The following UBE4A variants were observed in gnomAD, a reference collection of about 807,000 sequenced individuals.
UBE4A encodes ubiquitin conjugation factor E4 A.
UBE4A carries 48 observed loss-of-function variants against 117.9 expected under a neutral mutation model. That is an observed-to-expected ratio of 0.41 (90% CI 0.32 to 0.52). UBE4A has a LOEUF of 0.52. Ranked by LOEUF, UBE4A falls within the 20% of genes least tolerant of loss-of-function variation. The pLI is 0.33. For missense variants in UBE4A, 1,067 were observed against 1,296.3 expected, an observed-to-expected ratio of 0.82 and a Z score of 2.72; for synonymous variants, 407 against 450.0, an observed-to-expected ratio of 0.90 and a Z score of 1.21.
rs1381122929 is a variant in UBE4A, at chr11:118,396,541, CTTTT to C, written c.*103_*106del. The C allele has an allele frequency of 3.0e-5, 27 of 911,792 alleles. No homozygotes were observed. In the African/African-American group the frequency reaches 4.7e-4, roughly 16 times the overall value. 56.5% of individuals were successfully genotyped at this position (911,792 alleles called of 1,614,324 possible). A position where few individuals can be genotyped will look rare whatever the true frequency, so the allele number is the denominator to read the frequency against. On this transcript the variant is annotated 3_prime_UTR_variant, in exon 20 of 20. Transcript: ENST00000252108. ...TTCTGTTCCTTTTCTTTCTTCTTTT[CTTTT>C]TCTTTTTTTTTTTTTTTTTTACTAA... is the stretch of plus-strand genomic sequence containing the variant.
chr11:118,397,341 A>G lies in UBE4A; in HGVS notation c.*901A>G, dbSNP rs1213333210. ...TTTAGTGTAAACTGAGTACCACTTT[A>G]TATTTTCTCTTCCATAGTGAGATGT... On this transcript the variant is annotated 3_prime_UTR_variant, in exon 20 of 20. Transcript: ENST00000252108. 6.6e-6 allele frequency: 1 copy of G among 152,186 alleles called. No individual in the cohort carries two copies. The allele number at this position is 152,186 out of a possible 1,614,324, so 9.4% of individuals were successfully genotyped here. A position where few individuals can be genotyped will look rare whatever the true frequency, so the allele number is the denominator to read the frequency against.
rs1418691731 is a variant in UBE4A, at chr11:118,375,211, A to T, written c.1432A>T (p.Lys478Ter). 1 of 1,609,014 alleles carries T rather than the reference A, an allele frequency of 6.2e-7. No homozygotes were observed. The highest frequency in any genetic ancestry group is 8.5e-7 in the Non-Finnish European group (1 of 1,176,410). Residue 478 changes from lysine (K) to a stop codon, truncating the protein, a stop_gained, in exon 9 of 20, where the codon AAA becomes TAA. Coordinates refer to ENST00000252108, the MANE Select transcript of UBE4A (RefSeq NM_001204077.2). LOFTEE classifies it high-confidence loss of function. ...GTTGAATGATGAAGAACGAAAAATT[A>T]AAAATGTACACATGAGAGGTAGGAG... ...KELNDEERKI[K>*]NVHMRGLDKE...
rs569695557 is a variant in UBE4A, at chr11:118,360,522, G to T, written c.-42+848G>T. ...TGTTTCTTAATTTCTATTTTAAATTGATATTTTAATTTCTATTTTATATTG... is the reference window on the plus strand; with the variant it reads ...TGTTTCTTAATTTCTATTTTAAATTTATATTTTAATTTCTATTTTATATTG... On this transcript the variant is annotated intron_variant, in intron 1 of 19. Transcript: ENST00000252108. Among the ~76,000 whole-genome samples, 9 of 152,278 alleles carry T rather than the reference G, an allele frequency of 5.9e-5. No individual in the cohort carries two copies. In the South Asian group the frequency reaches 1.9e-3, roughly 32 times the overall value.
intron 1 of UBE4A, among the ~76,000 whole-genome samples, chr11:118,360,704 C>T (rs180877079): frequency 6.6e-6 from 1 of 152,124 alleles, no homozygotes; most frequent in Non-Finnish European, 1.5e-5. Context: ...TGAGAGCTGA[C>T]AGTGGTCTTA....
intron 5 of UBE4A, among the ~76,000 whole-genome samples, 186 bp from the exon 6 acceptor site, chr11:118,372,321 G>C (rs1301159585): frequency 6.6e-6 from 1 of 152,174 alleles, no homozygotes; most frequent in Admixed American, 6.5e-5. Context: ...GGCTAAGCCG[G>C]ATATTTCCAG....
At chr11:118,388,034 T>G (rs1948775418) in intron 16 of UBE4A, among the ~76,000 whole-genome samples, 1 of 152,170 alleles carries the variant, frequency 6.6e-6, no homozygotes, top group African/African-American at 2.4e-5. Flanking sequence ...GGAAAGGATT[T>G]AGTGATAAGA....
At chr11:118,385,574 C>G (rs1446588649) in intron 15 of UBE4A, among the ~76,000 whole-genome samples, 4 of 152,150 alleles carry the variant, frequency 2.6e-5, no homozygotes, top group African/African-American at 9.7e-5. Context: ...TTAACCTTCC[C>G]TGGTGGAACT....
chr11:118,397,296 C>G lies in UBE4A; in HGVS notation c.*856C>G, dbSNP rs1430927764. 1 of 151,902 alleles carries G rather than the reference C, an allele frequency of 6.6e-6. No individual in the cohort carries two copies. The highest frequency in any genetic ancestry group is 1.5e-5 in the Non-Finnish European group (1 of 67,966). The allele number at this position is 151,902 out of a possible 1,614,324, so 9.4% of individuals were successfully genotyped here. ...GTGAGATATATAAATACACATACACCCCATGTGCTTTTTTGTTGGTTTAGT... is the reference window on the plus strand; with the variant it reads ...GTGAGATATATAAATACACATACACGCCATGTGCTTTTTTGTTGGTTTAGT... On this transcript the variant is annotated 3_prime_UTR_variant, in exon 20 of 20. Coordinates refer to ENST00000252108, the MANE Select transcript of UBE4A (RefSeq NM_001204077.2).
At position 118,390,666 on chromosome 11, in the gene UBE4A, G is replaced by A; in HGVS notation, c.2778G>A (p.Glu926=). The change falls in exon 18 of 20, where the codon GAG becomes GAA. Residue 926 remains glutamate, a synonymous_variant. Transcript: ENST00000252108. The stretch of plus-strand genomic sequence containing the variant: ...GATGCTAATGTTCCAGGGATGAGGA[G>A]AATTTCTGTGCCACTGTGCCCAAGG... The part of the protein sequence containing the change: ...CTIYLNLGDE[E]NFCATVPKDG... 6.6e-7 allele frequency: 1 copy of A among 1,518,034 alleles called. No homozygotes were observed. The highest frequency in any genetic ancestry group is 8.8e-7 in the Non-Finnish European group (1 of 1,137,326). The allele number at this position is 1,518,034 out of a possible 1,614,324, so 94.0% of individuals were successfully genotyped here.
chr11:118,377,974 G>A (rs1049054506), intron 10 of UBE4A, among the ~76,000 whole-genome samples: 2 of 150,716 alleles, frequency 1.3e-5, no homozygotes, highest in South Asian at 2.1e-4. Flanking sequence ...TCAGCCGGGC[G>A]CAGTGGCTCA....
intron 15 of UBE4A, among the ~76,000 whole-genome samples, chr11:118,385,228 T>A (rs1343120401): frequency 1.3e-5 from 2 of 152,170 alleles, no homozygotes; most frequent in Admixed American, 1.3e-4. Flanking sequence ...TAAGTTGTAC[T>A]GGCAGGAGTA....
At chr11:118,371,872 A>G (rs1948612985) in intron 5 of UBE4A, among the ~76,000 whole-genome samples, 2 of 152,210 alleles carry the variant, frequency 1.3e-5, no homozygotes. Flanking sequence ...CTAAAGCTTT[A>G]GTCTCCTTTC....
Position 118,396,655 on chromosome 11 carries a change from C to A in UBE4A, c.*215C>A. On this transcript the variant is annotated 3_prime_UTR_variant, in exon 20 of 20. Coordinates refer to ENST00000252108, the MANE Select transcript of UBE4A (RefSeq NM_001204077.2). Reference sequence around the variant, plus strand: ...CTCCCCTGGCTTGCAGGAAATTATACTTATTATAGCATCACCAAGTTTAGA... The same window carrying A: ...CTCCCCTGGCTTGCAGGAAATTATAATTATTATAGCATCACCAAGTTTAGA... The A allele has an allele frequency of 2.5e-6, 1 of 405,398 alleles. No homozygotes were observed. The highest frequency in any genetic ancestry group is 4.1e-6 in the Non-Finnish European group (1 of 242,188). The allele number at this position is 405,398 out of a possible 1,614,324, so 25.1% of individuals were successfully genotyped here.
chr11:118,392,649 T>G, intron 18 of UBE4A, 89 bp from the exon 19 acceptor site: 1 of 1,325,658 alleles, frequency 7.5e-7, no homozygotes, highest in Non-Finnish European at 1.0e-6. Context: ...GTTTTTTTAT[T>G]TTTGAGATGG....
At chr11:118,375,727 T>C (rs1391674036) in intron 9 of UBE4A, among the ~76,000 whole-genome samples, 2 of 152,210 alleles carry the variant, frequency 1.3e-5, no homozygotes, top group Admixed American at 6.5e-5. Context: ...TGTTGTACTT[T>C]AGTGAGACCT....
At chr11:118,359,982 C>T (rs754953642) in intron 1 of UBE4A, among the ~76,000 whole-genome samples, 2 of 152,154 alleles carry the variant, frequency 1.3e-5, no homozygotes, top group African/African-American at 2.4e-5. Flanking sequence ...GAACGTGCCC[C>T]GGGCGGGTGG....
chr11:118,382,112 A>G (rs1389756738), intron 12 of UBE4A, among the ~76,000 whole-genome samples: 1 of 152,192 alleles, frequency 6.6e-6, no homozygotes, highest in Non-Finnish European at 1.5e-5. Context: ...TGATAAGTAG[A>G]GAGAAGCCAT....
Position 118,379,572 on chromosome 11 carries a change from C to CAGAT in UBE4A, c.1699_1700insGATA (p.Ile567ArgfsTer38). On this transcript the variant is annotated frameshift_variant, in exon 11 of 20. Coordinates refer to ENST00000252108, the MANE Select transcript of UBE4A (RefSeq NM_001204077.2). LOFTEE classifies it high-confidence loss of function. ...GTGAGCAGTTTGAACGACTGATGACCATCTATCTTTCTACCAAGACTGCCA... is the reference window on the plus strand; with the variant it reads ...GTGAGCAGTTTGAACGACTGATGACCAGATATCTATCTTTCTACCAAGACTGCCA... The CAGAT allele has an allele frequency of 6.2e-7, 1 of 1,614,194 alleles. No homozygotes were observed. The highest frequency in any genetic ancestry group is 8.5e-7 in the Non-Finnish European group (1 of 1,180,024).
chr11:118,382,158 A>G (rs1948710476), intron 12 of UBE4A, among the ~76,000 whole-genome samples: 1 of 152,212 alleles, frequency 6.6e-6, no homozygotes. Flanking sequence ...ATGAGAAGTC[A>G]TAAGTCAACA....
Sources: gnomAD v4.1 joint callset for allele counts (sites outside exome capture counted in the v4.1 genomes callset) on GRCh38, gnomAD v4.1.1 for gene constraint, MANE v1.5 for transcripts, NCBI Gene and HGNC (gene_info 2026-07-23, HGNC 2026-07-21) for gene names.